Variants in EHMT1 observed in about 807,000 individuals in gnomAD.
The protein encoded by EHMT1 is euchromatic histone lysine methyltransferase 1.
Under a neutral mutation model 147.2 loss-of-function variants are expected in EHMT1, and 15 were observed. That is an observed-to-expected ratio of 0.10 (90% CI 0.07 to 0.16). The LOEUF (loss-of-function observed/expected upper bound fraction) is 0.16, where lower values mean the gene tolerates loss of function less well. Ranked by LOEUF, EHMT1 falls within the 10% of genes least tolerant of loss-of-function variation. EHMT1 has a pLI of 1.00. For missense variants in EHMT1, 1,587 were observed against 1,772.4 expected, an observed-to-expected ratio of 0.90 and a Z score of 1.88; for synonymous variants, 795 against 709.6, an observed-to-expected ratio of 1.12 and a Z score of -1.91.
chr9:137,792,945 C>G (rs879528586), intron 16 of EHMT1, among the ~76,000 whole-genome samples: 15 of 152,312 alleles, frequency 9.8e-5, no homozygotes, highest in Non-Finnish European at 1.8e-4. Flanking sequence ...CACGCACTCA[C>G]GTTCGTAGGG....
chr9:137,770,667 T>C (rs1182427041), intron 10 of EHMT1, among the ~76,000 whole-genome samples: 2 of 152,164 alleles, frequency 1.3e-5, no homozygotes, highest in African/African-American at 4.8e-5. Flanking sequence ...TTCGCTTCCC[T>C]CCCAGCCAGC....
rs1202549844 is a variant in EHMT1 at position 137,828,425 on chromosome 9, A to G, written c.3541-5924A>G. 6.6e-6 allele frequency among the ~76,000 whole-genome samples: 1 copy of G among 151,936 alleles called. No individual in the cohort carries two copies. Among genetic ancestry groups the G allele is most frequent in the Non-Finnish European group, 1.5e-5 (1 of 67,984 alleles). Reference sequence around the variant, plus strand: ...ATCAGGCATGACCATTGCCAAGGCCACATCCTGACTCTAGGCCCCTCTGGT... The same window carrying G: ...ATCAGGCATGACCATTGCCAAGGCCGCATCCTGACTCTAGGCCCCTCTGGT... On this transcript the variant is annotated intron_variant, in intron 25 of 26. Transcript: ENST00000460843. The surrounding 1 kb of genome is among the most constrained non-coding windows in gnomAD (Gnocchi z 5.3).
At chr9:137,714,831 G>A (rs925788876) in intron 2 of EHMT1, among the ~76,000 whole-genome samples, 2 of 152,114 alleles carry the variant, frequency 1.3e-5, no homozygotes, top group African/African-American at 4.8e-5. Flanking sequence ...TTACAGGCAT[G>A]AGCCACCACA....
At chr9:137,765,364 G>C (rs1225756258) in intron 10 of EHMT1, among the ~76,000 whole-genome samples, 2 of 152,200 alleles carry the variant, frequency 1.3e-5, no homozygotes, top group African/African-American at 4.8e-5. Context: ...GCTTCTCTCT[G>C]TCCCCTCTCC....
rs71387862 is a variant in EHMT1, at chr9:137,814,056, GCCCCCCCCC to G, written c.3181-368_3181-360del. Among the ~76,000 whole-genome samples, 17 of 50,062 alleles carry G rather than the reference GCCCCCCCCC, an allele frequency of 3.4e-4. No individual in the cohort carries two copies. In the East Asian group the frequency reaches 8.6e-3, roughly 25 times the overall value. 32.8% of individuals were successfully genotyped at this position (50,062 alleles called of 152,430 possible). On this transcript the variant is annotated intron_variant, in intron 21 of 26. Transcript: ENST00000460843. ...TCTTCCCAGGCCGGGCACTGCCCAGGCCCCCCCCCCCCCCCGCCCCCCGCCCCACAAGGT... is the reference window on the plus strand; with the variant it reads ...TCTTCCCAGGCCGGGCACTGCCCAGGCCCCCCGCCCCCCGCCCCACAAGGT...
At chr9:137,623,459 G>C (rs548375645) in intron 1 of EHMT1, among the ~76,000 whole-genome samples, 5 of 151,886 alleles carry the variant, frequency 3.3e-5, no homozygotes, top group African/African-American at 1.2e-4. Context: ...CCGTCGCCCA[G>C]GCTGGAGTGC....
chr9:137,792,202 G>A, intron 16 of EHMT1: 3 of 424,658 alleles, frequency 7.1e-6, no homozygotes, highest in Non-Finnish European at 4.8e-6. Context: ...GTGTGGGACT[G>A]GCATAAAGAC....
intron 8 of EHMT1, among the ~76,000 whole-genome samples, chr9:137,755,023 A>G (rs1309717180): frequency 6.6e-6 from 1 of 152,252 alleles, no homozygotes; most frequent in Non-Finnish European, 1.5e-5. Context: ...CCTCAAACCC[A>G]GAAGGGATGC....
intron 21 of EHMT1, 153 bp from the exon 22 acceptor site, chr9:137,814,278 C>T (rs915260084): frequency 2.5e-6 from 2 of 796,296 alleles, no homozygotes; most frequent in South Asian, 1.4e-5. Context: ...GCCTGCACAG[C>T]CTTCTCCCTA....
At chr9:137,696,149 G>A (rs1310189314) in intron 1 of EHMT1, among the ~76,000 whole-genome samples, 4 of 152,084 alleles carry the variant, frequency 2.6e-5, no homozygotes, top group South Asian at 2.1e-4. Context: ...AAAACAAAAA[G>A]ACAAAAGAGG....
chr9:137,756,918 G>C (rs1398062330), intron 8 of EHMT1, among the ~76,000 whole-genome samples: 1 of 152,154 alleles, frequency 6.6e-6, no homozygotes, highest in Non-Finnish European at 1.5e-5. Flanking sequence ...TCTAGGTGGA[G>C]CATGTGGCTT....
intron 10 of EHMT1, among the ~76,000 whole-genome samples, chr9:137,770,983 T>C (rs1400709986): frequency 6.6e-6 from 1 of 152,202 alleles, no homozygotes; most frequent in Non-Finnish European, 1.5e-5. Flanking sequence ...CCCAAACTGA[T>C]AGAATTGCAT....
At chr9:137,714,884 A>G (rs959374447) in intron 2 of EHMT1, among the ~76,000 whole-genome samples, 2 of 152,114 alleles carry the variant, frequency 1.3e-5, no homozygotes, top group South Asian at 2.1e-4. Flanking sequence ...ACAGCTTTGT[A>G]ATGTCATCCA....
chr9:137,635,627 T>C (rs1003361877), intron 1 of EHMT1, among the ~76,000 whole-genome samples: 3 of 151,156 alleles, frequency 2.0e-5, no homozygotes, highest in African/African-American at 7.3e-5. Context: ...GAGACCATCC[T>C]GGCTAACATG....
intron 6 of EHMT1, among the ~76,000 whole-genome samples, chr9:137,744,928 G>A (rs1048497224): frequency 6.6e-6 from 1 of 152,260 alleles, no homozygotes; most frequent in Non-Finnish European, 1.5e-5. Context: ...ATACAGTTTC[G>A]GAGTTACATT....
chr9:137,698,273 A>C (rs954766363), intron 1 of EHMT1, among the ~76,000 whole-genome samples: 1 of 152,258 alleles, frequency 6.6e-6, no homozygotes. Context: ...GACTAGGAAA[A>C]GAAATGATCA....
intron 25 of EHMT1, among the ~76,000 whole-genome samples, chr9:137,829,173 A>G (rs777058201): frequency 7.2e-5 from 11 of 152,134 alleles, no homozygotes; most frequent in African/African-American, 2.7e-4. Context: ...CACTTTCTCC[A>G]CACAGGTTCT....
intron 1 of EHMT1, among the ~76,000 whole-genome samples, chr9:137,705,960 T>C (rs1218197261): frequency 6.6e-6 from 1 of 152,024 alleles, no homozygotes; most frequent in African/African-American, 2.4e-5. Flanking sequence ...GACTTCCAAA[T>C]TGCGAGGTGG....
intron 3 of EHMT1, among the ~76,000 whole-genome samples, chr9:137,721,881 T>C (rs1461434773): frequency 6.6e-6 from 1 of 152,228 alleles, no homozygotes; most frequent in Non-Finnish European, 1.5e-5. Flanking sequence ...AGGTGTTTCA[T>C]TTTGATGAAG....
Sources: gnomAD v4.1 joint callset for allele counts (sites outside exome capture counted in the v4.1 genomes callset) on GRCh38, gnomAD v4.1.1 for gene constraint, Gnocchi (gnomAD v3.1) non-coding constraint, MANE v1.5 for transcripts, NCBI Gene and HGNC (gene_info 2026-07-23, HGNC 2026-07-21) for gene names.